Variants in PPFIA1 observed in about 807,000 individuals in gnomAD.
The protein encoded by PPFIA1 is PPFI scaffold protein A1.
PPFIA1 carries 25 observed loss-of-function variants against 149.9 expected under a neutral mutation model. The ratio of observed to expected loss-of-function variants is 0.17; its 90% CI spans 0.12 to 0.23. PPFIA1 has a LOEUF of 0.23. Ranked by LOEUF, PPFIA1 falls within the 10% of genes least tolerant of loss-of-function variation. The pLI is 1.00. For synonymous variants in PPFIA1, 549 were observed against 552.8 expected (o/e 0.99, Z 0.10); for missense variants, 1,362 against 1,506.5 (o/e 0.90, Z 1.59).
intron 21 of PPFIA1, among the ~76,000 whole-genome samples, chr11:70,366,695 G>A (rs1243243489): frequency 1.3e-5 from 2 of 151,982 alleles, no homozygotes; most frequent in Non-Finnish European, 2.9e-5. Context: ...TGTATTTGAG[G>A]GCTTCAGAAT....
chr11:70,371,065 G>A (rs1051358132), intron 21 of PPFIA1, among the ~76,000 whole-genome samples: 2 of 152,150 alleles, frequency 1.3e-5, no homozygotes, highest in African/African-American at 2.4e-5. Flanking sequence ...CCCTGGAGGC[G>A]AGGTTGCAGT....
chr11:70,344,889 C>G (rs2055590979), intron 15 of PPFIA1, among the ~76,000 whole-genome samples: 1 of 152,246 alleles, frequency 6.6e-6, no homozygotes, highest in South Asian at 2.1e-4. Flanking sequence ...TTTCGTAGTT[C>G]ACAGCTCCTG....
At chr11:70,367,418 G>A (rs1420878146) in intron 21 of PPFIA1, 5 of 420,936 alleles carry the variant, frequency 1.2e-5, no homozygotes, top group South Asian at 5.0e-5. Flanking sequence ...TGCTGGCTGC[G>A]TGGAGCATCT....
rs2135391186 is a variant in PPFIA1, at chr11:70,372,507, G to A, written c.3072G>A (p.Leu1024=). The A allele has an allele frequency of 1.2e-6, 2 of 1,614,038 alleles. No individual in the cohort carries two copies. Among genetic ancestry groups the A allele is most frequent in the East Asian group, 4.5e-5 (2 of 44,886 alleles). ...RNSFQCGIMC[L]RRLNYDRKEL... ...GTTTCCAGTGTGGAATTATGTGCCT[G>A]AGAAGGTTAAATTATGACCGGAAAG... Residue 1024 remains leucine, a synonymous_variant, in exon 23 of 28, where the codon CTG becomes CTA. Coordinates refer to ENST00000253925, the MANE Select transcript of PPFIA1 (RefSeq NM_003626.5).
chr11:70,309,484 T>A (rs2053112639), intron 2 of PPFIA1, among the ~76,000 whole-genome samples: 1 of 152,198 alleles, frequency 6.6e-6, no homozygotes, highest in Non-Finnish European at 1.5e-5. Context: ...TATTTTTAAT[T>A]GTCTTGCTTG....
chr11:70,333,671 C>G (rs1230356446), intron 10 of PPFIA1, 118 bp downstream of exon 10: 2 of 783,628 alleles, frequency 2.6e-6, no homozygotes, highest in Admixed American at 4.2e-5. Flanking sequence ...CAGCTCAGTT[C>G]TGGTCGCGTG....
intron 19 of PPFIA1, among the ~76,000 whole-genome samples, chr11:70,359,430 G>C (rs2056523346): frequency 1.3e-5 from 2 of 152,282 alleles, no homozygotes; most frequent in Middle Eastern, 6.8e-3. Context: ...GCATGGGAGG[G>C]GCTATGCCTG....
chr11:70,288,371 C>CT, intron 2 of PPFIA1, among the ~76,000 whole-genome samples: 1 of 152,078 alleles, frequency 6.6e-6, no homozygotes, highest in South Asian at 2.1e-4. Flanking sequence ...CGCCCGGCCT[C>CT]CCCTCTGCTT....
intron 23 of PPFIA1, 91 bp from the exon 24 acceptor site, chr11:70,374,827 A>T: frequency 8.3e-7 from 1 of 1,208,022 alleles, no homozygotes; most frequent in Non-Finnish European, 1.2e-6. Flanking sequence ...ATTAGGAACC[A>T]TGGTAGGAAT....
rs371580875 is a variant in PPFIA1 at position 70,354,976 on chromosome 11, G to A, written c.2315+524G>A. Among the ~76,000 whole-genome samples the A allele has an allele frequency of 3.3e-4, 50 of 151,742 alleles. 1 individual carries two copies. The South Asian group carries it at 0.01, about 32-fold the overall frequency. On this transcript the variant is annotated intron_variant, in intron 17 of 27. Transcript: ENST00000253925. ...TTTTGAGATAGAGTCTTGCTCTGTT[G>A]CCCAGGCTGGAGTACAGTGGCATGA...
At chr11:70,356,844 A>C (rs889738385) in intron 19 of PPFIA1, among the ~76,000 whole-genome samples, 2 of 152,166 alleles carry the variant, frequency 1.3e-5, no homozygotes, top group African/African-American at 4.8e-5. Context: ...TTTTATCTCA[A>C]ATAGACTCCT....
intron 1 of PPFIA1, chr11:70,271,966 G>A: frequency 1.7e-6 from 1 of 592,944 alleles, no homozygotes; most frequent in Non-Finnish European, 2.9e-6. Context: ...CTGGATTTTT[G>A]TCTGTGTTAA....
chr11:70,318,387 C>T (rs1036493633), intron 2 of PPFIA1, among the ~76,000 whole-genome samples: 3 of 152,218 alleles, frequency 2.0e-5, no homozygotes, highest in African/African-American at 7.2e-5. Context: ...CCCTCTTTCC[C>T]TTTACTGCGG....
intron 2 of PPFIA1, among the ~76,000 whole-genome samples, chr11:70,273,538 A>G (rs2050217410): frequency 6.6e-6 from 1 of 152,212 alleles, no homozygotes; most frequent in African/African-American, 2.4e-5. Flanking sequence ...ATAAGCACAC[A>G]TTTATACTCG....
intron 8 of PPFIA1, among the ~76,000 whole-genome samples, chr11:70,331,439 A>G (rs1000479802): frequency 3.9e-5 from 6 of 152,132 alleles, no homozygotes; most frequent in East Asian, 1.9e-4. Context: ...TGTTTTGCAC[A>G]TTGAAACCAA....
intron 10 of PPFIA1, 88 bp downstream of exon 10, chr11:70,333,641 TGACTGA>T (rs1030129137): frequency 4.0e-4 from 404 of 1,007,574 alleles, no homozygotes; most frequent in Non-Finnish European, 5.2e-4. Context: ...CTCCCACCCC[TGACTGA>T]GATGTTGGTC....
At chr11:70,324,763 C>T (rs2054164561) in intron 3 of PPFIA1, 84 bp from the exon 4 acceptor site, 1 of 1,283,480 alleles carries the variant, frequency 7.8e-7, no homozygotes, top group Non-Finnish European at 1.1e-6. Context: ...TAGTATGAGA[C>T]TGTAAAGGAG....
chr11:70,290,518 C>G (rs906655239), intron 2 of PPFIA1, among the ~76,000 whole-genome samples: 1 of 152,298 alleles, frequency 6.6e-6, no homozygotes, highest in South Asian at 2.1e-4. Context: ...AATGTTTCCA[C>G]TTTGTGGATT....
At chr11:70,365,518 AC>A in intron 21 of PPFIA1, 1 of 442,292 alleles carries the variant, frequency 2.3e-6, no homozygotes, top group South Asian at 1.6e-5. Context: ...TTTGTTGAAA[AC>A]AAAATGTTGT....
Sources: gnomAD v4.1 joint callset for allele counts (sites outside exome capture counted in the v4.1 genomes callset) on GRCh38, gnomAD v4.1.1 for gene constraint, MANE v1.5 for transcripts, NCBI Gene and HGNC (gene_info 2026-07-23, HGNC 2026-07-21) for gene names.